ERGIC3: variants seen among roughly 807,000 people sequenced by gnomAD.
ERGIC3 encodes ERGIC and golgi 3, also known as endoplasmic reticulum-Golgi intermediate compartment protein 3.
A neutral mutation model predicts 54.7 loss-of-function variants in ERGIC3; 33 were observed. The observed-to-expected ratio is 0.60, with a 90% confidence interval of 0.46 to 0.81. ERGIC3 has a LOEUF of 0.81. ERGIC3 is among the 30% of genes least tolerant of loss of function. ERGIC3 has a pLI of 0.00. For missense variants in ERGIC3, 399 were observed against 488.4 expected (o/e 0.82, Z 1.73); for synonymous variants, 186 against 189.8 (o/e 0.98, Z 0.16).
chr20:35,554,431 G>A (rs755324258), intron 7 of ERGIC3: 18 of 1,612,574 alleles, frequency 1.1e-5, no homozygotes, highest in Non-Finnish European at 1.5e-5. Flanking sequence ...TACTTCTGGG[G>A]CAGCCTGCCC....
rs146493836 is a variant in ERGIC3, at chr20:35,548,831, C to G, written c.651C>G (p.Ala217=). 5.6e-6 allele frequency: 9 copies of G among 1,614,076 alleles called. No individual in the cohort carries two copies. The highest frequency in any genetic ancestry group is 7.6e-6 in the Non-Finnish European group (9 of 1,180,038). ...AGGTGGCCGGAAACTTCCACTTTGCCCCTGGGAAGAGCTTCCAGCAGTCCC... is the reference window on the plus strand; with the variant it reads ...AGGTGGCCGGAAACTTCCACTTTGCGCCTGGGAAGAGCTTCCAGCAGTCCC... ...VNKVAGNFHF[A]PGKSFQQSHV... Residue 217 remains alanine (A), a synonymous_variant, in exon 7 of 13, where the codon GCC becomes GCG. Coordinates refer to ENST00000348547, the MANE Select transcript of ERGIC3 (RefSeq NM_015966.3).
chr20:35,546,795 AT>A, intron 4 of ERGIC3, among the ~76,000 whole-genome samples: 1 of 152,172 alleles, frequency 6.6e-6, no homozygotes, highest in East Asian at 1.9e-4. Flanking sequence ...TTGAAGTTGA[AT>A]TTTGGAAGAT....
intron 8 of ERGIC3, among the ~76,000 whole-genome samples, chr20:35,555,626 G>A (rs1043171205): frequency 2.0e-5 from 3 of 152,090 alleles, no homozygotes; most frequent in Admixed American, 1.3e-4. Flanking sequence ...TACTCTGTGT[G>A]CCTAACGTAC....
chr20:35,542,778 G>T, intron 3 of ERGIC3, 44 bp from the exon 4 acceptor site: 1 of 1,613,806 alleles, frequency 6.2e-7, no homozygotes, highest in African/African-American at 1.3e-5. Flanking sequence ...ACATCCCCTT[G>T]TCCCTAGGGT....
At position 35,557,067 on chromosome 20, in the gene ERGIC3, A is replaced by C; in HGVS notation, c.974A>C (p.Tyr325Ser). The C allele has an allele frequency of 6.2e-7, 1 of 1,614,210 alleles. No homozygotes were observed. Among genetic ancestry groups the C allele is most frequent in the Non-Finnish European group, 8.5e-7 (1 of 1,180,036 alleles). Residue 325 changes from tyrosine (Y) to serine (S), a missense_variant, in exon 11 of 13, where the codon TAT becomes TCT. Physicochemically the swap from Tyr to Ser is moderately radical, Grantham distance 144 (BLOSUM62 -2). Transcript: ENST00000348547. The stretch of plus-strand genomic sequence containing the variant: ...GGCCTTCCCGGAGTCTTCGTCCTCT[A>C]TGAGCTCTCGCCCATGATGGTGAAG... Reference protein sequence around the residue: ...DQGLPGVFVLYELSPMMVKLT... With the variant: ...DQGLPGVFVLSELSPMMVKLT...
At position 35,557,587 on chromosome 20, in the gene ERGIC3, T is replaced by TCAGCCC; in HGVS notation, c.*93_*98dup. The TCAGCCC allele has an allele frequency of 2.6e-6, 3 of 1,169,952 alleles. No individual in the cohort carries two copies. The highest frequency in any genetic ancestry group is 2.6e-6 in the Non-Finnish European group (2 of 783,748). 72.5% of individuals were successfully genotyped at this position (1,169,952 alleles called of 1,614,324 possible). A position where few individuals can be genotyped will look rare whatever the true frequency, so the allele number is the denominator to read the frequency against. On this transcript the variant is annotated 3_prime_UTR_variant, in exon 13 of 13. Coordinates refer to ENST00000348547, the MANE Select transcript of ERGIC3 (RefSeq NM_015966.3). Reference sequence around the variant, plus strand: ...CCTCTGCCACCCTCCACCTCCTCGGTCAGCCCCAGCCCCAGGTTGATAAAT... The same window carrying TCAGCCC: ...CCTCTGCCACCCTCCACCTCCTCGGTCAGCCCCAGCCCCAGCCCCAGGTTGATAAAT...
intron 4 of ERGIC3, among the ~76,000 whole-genome samples, chr20:35,546,409 A>G (rs2064649062): frequency 6.6e-6 from 1 of 152,176 alleles, no homozygotes; most frequent in Non-Finnish European, 1.5e-5. Flanking sequence ...CAAGGACATT[A>G]GCTAAGTGAA....
At chr20:35,555,909 G>C (rs2064708687) in intron 8 of ERGIC3, 124 bp from the exon 9 acceptor site, 3 of 805,762 alleles carry the variant, frequency 3.7e-6, no homozygotes, top group Non-Finnish European at 6.0e-6. Context: ...TCTTATCTCG[G>C]GGAGGTTGTC....
chr20:35,546,606 T>C (rs74514222), intron 4 of ERGIC3, among the ~76,000 whole-genome samples: 1,909 of 152,242 alleles, frequency 0.013, 38 homozygotes, highest in African/African-American at 0.042. Context: ...GATTTGTAAA[T>C]GAAAGACGAG....
chr20:35,555,175 A>T, intron 8 of ERGIC3, 100 bp downstream of exon 8: 1 of 1,360,644 alleles, frequency 7.3e-7, no homozygotes, highest in Non-Finnish European at 1.1e-6. Flanking sequence ...GGTAGTGCAT[A>T]TGGAAAAATA....
intron 7 of ERGIC3, among the ~76,000 whole-genome samples, chr20:35,550,636 G>A (rs1214315797): frequency 6.6e-6 from 1 of 152,044 alleles, no homozygotes; most frequent in East Asian, 1.9e-4. Flanking sequence ...AATAAATAAA[G>A]AGAGGTCACA....
At chr20:35,546,886 T>G (rs1488610505) in intron 4 of ERGIC3, among the ~76,000 whole-genome samples, 1 of 152,140 alleles carries the variant, frequency 6.6e-6, no homozygotes, top group African/African-American at 2.4e-5. Flanking sequence ...ATCAAAAGAT[T>G]ATCATGAGTC....
chr20:35,545,579 C>A (rs199914084), intron 4 of ERGIC3, among the ~76,000 whole-genome samples: 11 of 148,074 alleles, frequency 7.4e-5, no homozygotes, highest in Non-Finnish European at 1.7e-4. Context: ...ACAACAACAA[C>A]AAAAAAACGT....
chr20:35,548,648 G>T lies in ERGIC3; in HGVS notation c.601G>T (p.Val201Leu), dbSNP rs2064664399. The change falls in exon 6 of 13, where the codon GTG becomes TTG. Residue 201 changes from valine to leucine, a missense_variant. Val to Leu is a conservative substitution (Grantham distance 32). Transcript: ENST00000348547. ...GGAGCAGAAGAATGAAGGCTGCCAG[G>T]TGTATGGCTTCTTGGAAGTCAATAA... ...MQEQKNEGCQ[V>L]YGFLEVNKVA... is the part of the protein sequence containing the mutation. 2 of 1,614,252 alleles carry T rather than the reference G, an allele frequency of 1.2e-6. No homozygotes were observed. Among genetic ancestry groups the T allele is most frequent in the Non-Finnish European group, 1.7e-6 (2 of 1,180,044 alleles).
At chr20:35,556,875 A>C in intron 10 of ERGIC3, 98 bp from the exon 11 acceptor site, 1 of 1,550,884 alleles carries the variant, frequency 6.4e-7, no homozygotes, top group Non-Finnish European at 8.8e-7. Context: ...TACACGGCCA[A>C]GGCTCAACAG....
chr20:35,543,701 A>G, intron 4 of ERGIC3: 1 of 471,088 alleles, frequency 2.1e-6, no homozygotes, highest in Non-Finnish European at 4.4e-6. Flanking sequence ...AATTTGCTAT[A>G]GGACTGGATG....
At chr20:35,554,740 CGGTG>C (rs1337925358) in intron 7 of ERGIC3, 4 of 593,066 alleles carry the variant, frequency 6.7e-6, no homozygotes, top group Non-Finnish European at 1.2e-5. Flanking sequence ...AGCCCATAGT[CGGTG>C]GGTTTTGTTT....
chr20:35,542,896 C>G lies in ERGIC3; in HGVS notation c.322C>G (p.Leu108Val). Residue 108 changes from leucine to valine, a missense_variant, in exon 4 of 13, where the codon CTA becomes GTA. By Grantham distance (32) the Leu-to-Val change is conservative. Coordinates refer to ENST00000348547, the MANE Select transcript of ERGIC3 (RefSeq NM_015966.3). Reference protein sequence around the residue: ...DVEHNLFKQRLDKDGIPVSSE... With the variant: ...DVEHNLFKQRVDKDGIPVSSE... Reference sequence around the variant, plus strand: ...GGAACACAACCTGTTCAAGCAACGACTAGATAAAGATGGCATCCCCGTGAG... The same window carrying G: ...GGAACACAACCTGTTCAAGCAACGAGTAGATAAAGATGGCATCCCCGTGAG... 6.2e-7 allele frequency: 1 copy of G among 1,614,134 alleles called. No homozygotes were observed.
At chr20:35,542,472 G>C (rs1268763002) in intron 2 of ERGIC3, 41 bp from the exon 3 acceptor site, 2 of 1,613,794 alleles carry the variant, frequency 1.2e-6, no homozygotes, top group Non-Finnish European at 1.7e-6. Context: ...TGGGGAAGGA[G>C]AGGTTTGGGG....
Sources: allele counts gnomAD v4.1 joint callset (sites outside exome capture counted in the v4.1 genomes callset), GRCh38; gene constraint gnomAD v4.1.1; transcripts MANE v1.5; gene names NCBI Gene and HGNC (gene_info 2026-07-23, HGNC 2026-07-21).